Variants in VDR observed in about 807,000 individuals in gnomAD.
VDR encodes the protein vitamin D receptor.
VDR carries 19 observed loss-of-function variants against 39.7 expected under a neutral mutation model. The ratio of observed to expected loss-of-function variants is 0.48; its 90% CI spans 0.33 to 0.70. The LOEUF (loss-of-function observed/expected upper bound fraction) is 0.70. Among genes scored for constraint, VDR ranks in the 30% least tolerant of loss-of-function variants. The pLI is 0.02. For synonymous variants in VDR, 242 were observed against 215.8 expected (o/e 1.12, Z -1.07); for missense variants, 442 against 570.5 (o/e 0.77, Z 2.29).
At chr12:47,877,251 C>T (rs571665429) in intron 3 of VDR, among the ~76,000 whole-genome samples, 3 of 152,000 alleles carry the variant, frequency 2.0e-5, no homozygotes, top group South Asian at 2.1e-4. Flanking sequence ...CACACACACA[C>T]GAGGAAAGTG....
intron 2 of VDR, among the ~76,000 whole-genome samples, chr12:47,881,972 G>C (rs1324729227): frequency 6.6e-6 from 1 of 152,164 alleles, no homozygotes; most frequent in Non-Finnish European, 1.5e-5. Flanking sequence ...CCAAGTATCC[G>C]GTGGATTTCG....
intron 6 of VDR, 61 bp from the exon 7 acceptor site, chr12:47,855,862 G>A (rs1565612541): frequency 6.2e-7 from 1 of 1,602,730 alleles, no homozygotes; most frequent in South Asian, 1.1e-5. Flanking sequence ...GCCCCCTCCT[G>A]CCAGACCCTG....
chr12:47,899,886 C>T (rs1592158378), intron 1 of VDR: 19 of 984,880 alleles, frequency 1.9e-5, no homozygotes, highest in Non-Finnish European at 2.0e-5. Context: ...GCAATGTGCA[C>T]GGGGCCTGGC....
intron 8 of VDR, 76 bp downstream of exon 8, chr12:47,846,581 A>G: frequency 6.3e-7 from 1 of 1,588,906 alleles, no homozygotes. Flanking sequence ...ATCTGATTGG[A>G]GCCAAACCCC....
chr12:47,868,882 G>C (rs1945790200), intron 3 of VDR, among the ~76,000 whole-genome samples: 1 of 152,060 alleles, frequency 6.6e-6, no homozygotes, highest in Admixed American at 6.6e-5. Flanking sequence ...AAGCCTGCAA[G>C]GCCATGGGCA....
chr12:47,877,081 C>T (rs915235429), intron 3 of VDR, among the ~76,000 whole-genome samples: 8 of 152,132 alleles, frequency 5.3e-5, no homozygotes, highest in South Asian at 2.1e-4. Flanking sequence ...AGTCTGGTGA[C>T]GGAATGAGTG....
At chr12:47,857,001 C>A in intron 6 of VDR, 128 bp downstream of exon 6, 1 of 1,435,432 alleles carries the variant, frequency 7.0e-7, no homozygotes, top group South Asian at 1.2e-5. Flanking sequence ...CGCTGCATAG[C>A]GCACAGTATT....
chr12:47,878,939 A>G (rs1451243759), intron 3 of VDR, 29 bp downstream of exon 3: 2 of 1,613,924 alleles, frequency 1.2e-6, no homozygotes, highest in Non-Finnish European at 8.5e-7. Flanking sequence ...CTCCCTTTCC[A>G]CTGGGGAGAG....
intron 3 of VDR, among the ~76,000 whole-genome samples, chr12:47,873,124 A>G (rs1476583962): frequency 6.6e-6 from 1 of 152,200 alleles, no homozygotes; most frequent in Non-Finnish European, 1.5e-5. Context: ...CTGGTGGGAC[A>G]TGATTGGATC....
intron 5 of VDR, 70 bp downstream of exon 5, chr12:47,857,434 A>C: frequency 6.2e-7 from 1 of 1,609,730 alleles, no homozygotes; most frequent in Non-Finnish European, 8.5e-7. Context: ...CTCTGTCCCT[A>C]CTCCCTGGGC....
chr12:47,892,603 C>A (rs1247955444), intron 1 of VDR, among the ~76,000 whole-genome samples: 7 of 152,140 alleles, frequency 4.6e-5, no homozygotes, highest in Non-Finnish European at 8.8e-5. Flanking sequence ...GATAGGGTCC[C>A]TGCCTATGTT....
In VDR at chr12:47,849,860, A is replaced by AT. The variant is rs12721390; in HGVS notation, c.756-3053dup. 4.9e-3 allele frequency among the ~76,000 whole-genome samples: 729 copies of AT among 150,254 alleles called. 8 individuals are homozygous for AT. The highest frequency in any genetic ancestry group is 0.017 in the African/African-American group (678 of 40,844). ...CTTTTTTTCTTATTTATTTATTTTAATTTTTTTTTTGAGACAGTCTTGCTC... is the reference window on the plus strand; with the variant it reads ...CTTTTTTTCTTATTTATTTATTTTAATTTTTTTTTTTGAGACAGTCTTGCTC... On this transcript the variant is annotated intron_variant, in intron 7 of 9. Transcript: ENST00000549336.
In VDR at chr12:47,857,696, G is replaced by A. The variant is rs555067950; in HGVS notation, c.278-8C>T. 1 of 1,611,994 alleles carries A rather than the reference G, an allele frequency of 6.2e-7. No homozygotes were observed. The highest frequency in any genetic ancestry group is 1.3e-5 in the African/African-American group (1 of 75,006). ...CCTCATCTGTCAGAATGACTGTGGG[G>A]TGGGAAGGGGAGTCAGGAGGGCTGG... On this transcript the variant is annotated splice_polypyrimidine_tract_variant and splice_region_variant and intron_variant, in intron 4 of 9. Coordinates refer to ENST00000549336, the MANE Select transcript of VDR (RefSeq NM_000376.3).
intron 3 of VDR, among the ~76,000 whole-genome samples, chr12:47,871,567 G>A (rs902905038): frequency 2.5e-4 from 37 of 150,354 alleles, no homozygotes; most frequent in African/African-American, 8.8e-4. Flanking sequence ...AGGTTCAATC[G>A]ATTCTCTTGC....
At chr12:47,884,564 C>G (rs761007490) in intron 1 of VDR, among the ~76,000 whole-genome samples, 4 of 152,186 alleles carry the variant, frequency 2.6e-5, no homozygotes, top group Non-Finnish European at 5.9e-5. Flanking sequence ...TCACTTCACT[C>G]TCATAAGAGC....
intron 1 of VDR, 113 bp downstream of exon 1, chr12:47,904,842 T>C: frequency 2.1e-6 from 1 of 473,514 alleles, no homozygotes; most frequent in East Asian, 3.6e-5. Context: ...AGTTTACCGC[T>C]GAGACTTAGA....
intron 1 of VDR, among the ~76,000 whole-genome samples, chr12:47,894,610 A>G (rs1946432393): frequency 6.6e-6 from 1 of 152,216 alleles, no homozygotes; most frequent in South Asian, 2.1e-4. Flanking sequence ...CCTGAAAAAT[A>G]ATTCTGCAGC....
intron 4 of VDR, among the ~76,000 whole-genome samples, chr12:47,859,870 CT>C (rs1945575485): frequency 7.9e-5 from 2 of 25,386 alleles, no homozygotes; most frequent in Non-Finnish European, 1.4e-4. Flanking sequence ...TCCTTCTTTC[CT>C]TCCTTCCTTC....
rs1353751822 is a variant in VDR at position 47,846,639 on chromosome 12, G to A, written c.907+18C>T. 2.5e-6 allele frequency: 4 copies of A among 1,612,892 alleles called. No homozygotes were observed. In the South Asian group the frequency reaches 4.4e-5, roughly 18 times the overall value. ...GGGAGCTGAAAAAGACTCCCCAGGAGGTGGAGTCTAGGCATACCTTTGGTC... is the reference window on the plus strand; with the variant it reads ...GGGAGCTGAAAAAGACTCCCCAGGAAGTGGAGTCTAGGCATACCTTTGGTC... On this transcript the variant is annotated intron_variant, in intron 8 of 9. Transcript: ENST00000549336.
Sources: gnomAD v4.1 joint callset for allele counts (sites outside exome capture counted in the v4.1 genomes callset) on GRCh38, gnomAD v4.1.1 for gene constraint, MANE v1.5 for transcripts, NCBI Gene and HGNC (gene_info 2026-07-23, HGNC 2026-07-21) for gene names.